Variants in VDAC2 observed in about 807,000 individuals in gnomAD.
VDAC2 encodes the protein voltage dependent anion channel 2, also known as non-selective voltage-gated ion channel VDAC2.
Under a neutral mutation model 36.6 loss-of-function variants are expected in VDAC2, and 6 were observed. That is an observed-to-expected ratio of 0.16 (90% CI 0.09 to 0.32). The LOEUF (loss-of-function observed/expected upper bound fraction) is 0.32. VDAC2 is among the 10% of genes least tolerant of loss of function. VDAC2 has a pLI of 1.00. For missense variants in VDAC2, 247 were observed against 346.0 expected (o/e 0.71, Z 2.27); for synonymous variants, 109 against 123.8 (o/e 0.88, Z 0.79).
rs1841821561 is a variant in VDAC2 at position 75,221,800 on chromosome 10, A to AT, written c.585-451dup. Among the ~76,000 whole-genome samples, 4 of 152,332 alleles carry AT rather than the reference A, an allele frequency of 2.6e-5. 1 individual carries two copies. The highest frequency in any genetic ancestry group is 9.6e-5 in the African/African-American group (4 of 41,578). ...GGTGTTTTTACCTAGCCCAAACTAG[A>AT]TAGATACATAGAAAGTACTTAAAAT... On this transcript the variant is annotated intron_variant, in intron 7 of 9. Transcript: ENST00000332211.
chr10:75,223,235 C>A (rs1841867599), intron 8 of VDAC2, among the ~76,000 whole-genome samples: 1 of 152,168 alleles, frequency 6.6e-6, no homozygotes, highest in Admixed American at 6.5e-5. Flanking sequence ...GCCTCAGCCT[C>A]CCAAAGTGCT....
Position 75,212,306 on chromosome 10 carries a change from C to G in VDAC2, c.100+8C>G. 2 of 1,609,096 alleles carry G rather than the reference C, an allele frequency of 1.2e-6. No homozygotes were observed. Among genetic ancestry groups the G allele is most frequent in the South Asian group, 1.1e-5 (1 of 90,494 alleles). On this transcript the variant is annotated splice_region_variant and intron_variant, in intron 3 of 9. Coordinates refer to ENST00000332211, the MANE Select transcript of VDAC2 (RefSeq NM_001391963.1). The stretch of plus-strand genomic sequence containing the variant: ...TTTTCAACAAAGGATTTGGTAAGAA[C>G]CTTATTTTTAAAACGTTTTAGATAA...
intron 3 of VDAC2, 65 bp from the exon 4 acceptor site, chr10:75,213,956 A>G (rs1192768722): frequency 1.3e-6 from 2 of 1,524,968 alleles, no homozygotes; most frequent in Admixed American, 1.7e-5. Context: ...TGTATAGTCA[A>G]CAATTGCTAT....
intron 9 of VDAC2, 97 bp from the exon 10 acceptor site, chr10:75,230,801 A>T (rs1842079230): frequency 2.4e-5 from 25 of 1,023,966 alleles, no homozygotes; most frequent in Non-Finnish European, 3.5e-5. Context: ...AGGAAGTGAC[A>T]GGCAGGCTCT....
At chr10:75,212,093 A>G (rs1404335413) in intron 2 of VDAC2, 137 bp from the exon 3 acceptor site, 5 of 726,972 alleles carry the variant, frequency 6.9e-6, no homozygotes, top group Non-Finnish European at 1.2e-5. Context: ...GTTCTATTGT[A>G]GCTCCTGACC....
At chr10:75,217,349 T>C (rs903704989) in intron 4 of VDAC2, among the ~76,000 whole-genome samples, 4 of 152,166 alleles carry the variant, frequency 2.6e-5, no homozygotes, top group African/African-American at 7.2e-5. Flanking sequence ...AATTTTTATA[T>C]CTAGTGTTTC....
intron 8 of VDAC2, among the ~76,000 whole-genome samples, chr10:75,225,657 A>G (rs906497032): frequency 6.6e-6 from 1 of 152,196 alleles, no homozygotes; most frequent in Non-Finnish European, 1.5e-5. Context: ...TTTTTAAACA[A>G]TTTCCCCTAG....
chr10:75,218,015 G>A (rs1317169566), intron 4 of VDAC2: 5 of 1,124,240 alleles, frequency 4.4e-6, no homozygotes, highest in Non-Finnish European at 6.0e-6. Flanking sequence ...TTGAGCCTGG[G>A]AGGTTGAGGC....
chr10:75,216,731 G>T (rs1044903216), intron 4 of VDAC2, among the ~76,000 whole-genome samples: 1 of 152,180 alleles, frequency 6.6e-6, no homozygotes, highest in African/African-American at 2.4e-5. Flanking sequence ...GTGGGCTGAT[G>T]AATGGCCGTA....
At chr10:75,223,897 C>T (rs1419356809) in intron 8 of VDAC2, among the ~76,000 whole-genome samples, 2 of 152,190 alleles carry the variant, frequency 1.3e-5, no homozygotes, top group African/African-American at 4.8e-5. Context: ...GCTGAGGTTA[C>T]TGGAAGGTGG....
At chr10:75,210,534 C>G (rs1327790247), upstream of VDAC2, 1 of 152,438 alleles carries the variant, frequency 6.6e-6, no homozygotes, top group Non-Finnish European at 1.5e-5. Context: ...GCCCCATCCC[C>G]CTCCCAGGCG....
intron 8 of VDAC2, among the ~76,000 whole-genome samples, chr10:75,224,930 G>T (rs59387788): frequency 0.012 from 1,820 of 152,264 alleles, 32 homozygotes; most frequent in African/African-American, 0.041. Context: ...AATGGGGAAG[G>T]GTAGATTTCT....
At chr10:75,226,451 G>GTT (rs147954706) in intron 8 of VDAC2, among the ~76,000 whole-genome samples, 1,317 of 100,830 alleles carry the variant, frequency 0.013, 36 homozygotes, top group African/African-American at 0.047. Flanking sequence ...TCTTTTGTGG[G>GTT]TTTTTTTTTT....
chr10:75,220,309 A>T (rs1017115679), intron 6 of VDAC2, among the ~76,000 whole-genome samples: 1 of 150,676 alleles, frequency 6.6e-6, no homozygotes, highest in Non-Finnish European at 1.5e-5. Context: ...GGATTTCACC[A>T]TGCTGGCCAG....
intron 2 of VDAC2, among the ~76,000 whole-genome samples, chr10:75,211,903 C>T (rs1841435411): frequency 6.6e-6 from 1 of 152,192 alleles, no homozygotes; most frequent in South Asian, 2.1e-4. Context: ...TTGGCAGATA[C>T]ATAAATATCC....
At chr10:75,221,121 AAGTTTAT>A (rs529801142) in intron 7 of VDAC2, 151 bp downstream of exon 7, 371 of 746,240 alleles carry the variant, frequency 5.0e-4, no homozygotes, top group South Asian at 3.9e-4. Context: ...TGCCCCTTGA[AAGTTTAT>A]AGTAGAAGAC....
chr10:75,212,346 T>C, intron 3 of VDAC2, 48 bp downstream of exon 3: 3 of 1,519,530 alleles, frequency 2.0e-6, no homozygotes, highest in Non-Finnish European at 2.7e-6. Flanking sequence ...TGAAAATGTA[T>C]GTTTGGGTTG....
intron 6 of VDAC2, 22 bp from the exon 7 acceptor site, chr10:75,220,721 C>A: frequency 1.3e-6 from 2 of 1,592,654 alleles, no homozygotes; most frequent in African/African-American, 2.7e-5. Context: ...TTCCCAATGA[C>A]ATCAGTTTGT....
intron 6 of VDAC2, 119 bp downstream of exon 6, chr10:75,219,475 CTG>C: frequency 1.2e-6 from 1 of 801,496 alleles, no homozygotes; most frequent in Non-Finnish European, 1.9e-6. Context: ...GGTGAAATCT[CTG>C]TATCTGCTTT....
Sources: allele counts gnomAD v4.1 joint callset (sites outside exome capture counted in the v4.1 genomes callset), GRCh38; gene constraint gnomAD v4.1.1; transcripts MANE v1.5; gene names NCBI Gene and HGNC (gene_info 2026-07-23, HGNC 2026-07-21).